The following SLK variants were observed in gnomAD, a reference collection of about 807,000 sequenced individuals.
SLK encodes STE20 like kinase.
In SLK, 67 loss-of-function variants were observed where a neutral mutation model predicts 147.7. The ratio of observed to expected loss-of-function variants is 0.45; its 90% CI spans 0.37 to 0.56. The LOEUF (loss-of-function observed/expected upper bound fraction) is 0.56. Among genes scored for constraint, SLK ranks in the 20% least tolerant of loss-of-function variants. The probability of loss-of-function intolerance (pLI) is 0.00; values close to 1 mark genes in which losing one functional copy is unlikely to be tolerated. For missense variants in SLK, 1,136 were observed against 1,438.8 expected (o/e 0.79, Z 3.41); for synonymous variants, 441 against 475.0 (o/e 0.93, Z 0.93).
intron 12 of SLK, among the ~76,000 whole-genome samples, chr10:104,009,631 T>C (rs1340959293): frequency 3.3e-5 from 5 of 152,176 alleles, no homozygotes; most frequent in Non-Finnish European, 4.4e-5. Context: ...ATATTCTTTA[T>C]CTCAGTGAAA....
chr10:103,993,194 A>G (rs1844123504), intron 4 of SLK, 61 bp downstream of exon 4: 1 of 1,221,548 alleles, frequency 8.2e-7, no homozygotes, highest in Non-Finnish European at 1.2e-6. Flanking sequence ...ATCTTTATGT[A>G]TGTGACTTAA....
chr10:103,992,592 A>C lies in SLK; in HGVS notation c.316-6A>C. 3.2e-6 allele frequency: 5 copies of C among 1,553,696 alleles called. No individual in the cohort carries two copies. Among genetic ancestry groups the C allele is most frequent in the Non-Finnish European group, 4.3e-6 (5 of 1,160,330 alleles). ...CACACGCTTTTTTTTTTTTTTTTGC[A>C]TGCAGATCCTCATTGAATTTTGTGC... is the stretch of plus-strand genomic sequence containing the variant. On this transcript the variant is annotated splice_region_variant and splice_polypyrimidine_tract_variant and intron_variant, in intron 2 of 18. Coordinates refer to ENST00000369755, the MANE Select transcript of SLK (RefSeq NM_014720.4).
chr10:103,980,813 C>A (rs923696813), intron 1 of SLK, among the ~76,000 whole-genome samples: 1 of 152,072 alleles, frequency 6.6e-6, no homozygotes, highest in African/African-American at 2.4e-5. Context: ...CTCTTTGAGA[C>A]CCTGCTTTCA....
chr10:103,988,319 A>G (rs1844045140), intron 1 of SLK, among the ~76,000 whole-genome samples: 1 of 152,134 alleles, frequency 6.6e-6, no homozygotes, highest in Non-Finnish European at 1.5e-5. Flanking sequence ...ACTCAAAGTG[A>G]TCCTTATGTC....
intron 2 of SLK, among the ~76,000 whole-genome samples, chr10:103,991,083 G>A (rs1376043352): frequency 2.0e-5 from 3 of 152,036 alleles, no homozygotes; most frequent in African/African-American, 7.2e-5. Flanking sequence ...TTGGATCCAG[G>A]TGGAAAAATT....
Position 104,002,807 on chromosome 10 carries a change from C to T in SLK, c.1629C>T (p.Ser543=), listed in dbSNP as rs1200904260. 6.2e-6 allele frequency: 10 copies of T among 1,614,014 alleles called. No homozygotes were observed. The highest frequency in any genetic ancestry group is 8.5e-6 in the Non-Finnish European group (10 of 1,180,000). Residue 543 remains serine, a synonymous_variant, in exon 9 of 19, where the codon AGC becomes AGT. Transcript: ENST00000369755. ...ACAAAACTCAAAAAGATGTGATCAG[C>T]AATACAAGTGATGTGATAGGAACAT... The part of the protein sequence containing the change: ...EDDKTQKDVI[S]NTSDVIGTCE...
chr10:104,027,673 CT>C lies in SLK; in HGVS notation c.*1957del, dbSNP rs1844616365. On this transcript the variant is annotated 3_prime_UTR_variant, in exon 19 of 19. Transcript: ENST00000369755. ...TCCTTTGAAATTTTCAGTTTATTGA[CT>C]TTTAAAAAATGAATACCTCAGGCAG... 1 of 152,248 alleles carries C rather than the reference CT, an allele frequency of 6.6e-6. No homozygotes were observed. Among genetic ancestry groups the C allele is most frequent in the Non-Finnish European group, 1.5e-5 (1 of 68,008 alleles). 9.4% of individuals were successfully genotyped at this position (152,248 alleles called of 1,614,324 possible).
chr10:104,001,412 T>TA, intron 7 of SLK, 32 bp from the exon 8 acceptor site: 2 of 1,572,424 alleles, frequency 1.3e-6, no homozygotes, highest in Non-Finnish European at 1.7e-6. Flanking sequence ...AGTATTCCAG[T>TA]TGTTGAGTAT....
intron 16 of SLK, 124 bp from the exon 17 acceptor site, chr10:104,020,364 C>T (rs1844518563): frequency 6.5e-6 from 6 of 922,476 alleles, no homozygotes; most frequent in African/African-American, 3.4e-5. Context: ...GTTTGAGTCT[C>T]AGCATATTAT....
At chr10:103,992,565 G>A (rs976013332) in intron 2 of SLK, 33 bp from the exon 3 acceptor site, 6 of 1,276,682 alleles carry the variant, frequency 4.7e-6, no homozygotes, top group Non-Finnish European at 5.0e-6. Context: ...TGTAGTTTTA[G>A]ACACACGCTT....
rs1844491935 is a variant in SLK at position 104,018,366 on chromosome 10, C to T, written c.3007+77C>T. On this transcript the variant is annotated intron_variant, in intron 14 of 18. Coordinates refer to ENST00000369755, the MANE Select transcript of SLK (RefSeq NM_014720.4). ...AGTAGAAGTGAATGTAAACATATAA[C>T]CCTTAAAATTTCTTCTTGCCCTGAT... is the stretch of plus-strand genomic sequence containing the variant. 2.9e-6 allele frequency: 4 copies of T among 1,370,408 alleles called. No homozygotes were observed. In the South Asian group the frequency reaches 3.9e-5, roughly 13 times the overall value. 84.9% of individuals were successfully genotyped at this position (1,370,408 alleles called of 1,614,324 possible). A position where few individuals can be genotyped will look rare whatever the true frequency, so the allele number is the denominator to read the frequency against.
Position 104,003,091 on chromosome 10 carries a change from A to C in SLK, c.1913A>C (p.Glu638Ala). The change falls in exon 9 of 19, where the codon GAA (glutamate) becomes GCA (alanine). Residue 638 changes from glutamate (E) to alanine (A), a missense_variant. Glu to Ala is a moderately radical substitution (Grantham distance 107, BLOSUM62 -1). Transcript: ENST00000369755. ...MDINEEPGTT[E>A]GEEITESSST... Reference sequence around the variant, plus strand: ...ATCAATGAGGAACCAGGAACAACTGAAGGTGAAGAAATCACTGAGTCAAGT... The same window carrying C: ...ATCAATGAGGAACCAGGAACAACTGCAGGTGAAGAAATCACTGAGTCAAGT... The C allele has an allele frequency of 6.2e-7, 1 of 1,614,146 alleles. No homozygotes were observed. The highest frequency in any genetic ancestry group is 1.7e-5 in the Admixed American group (1 of 60,020).
In SLK at chr10:104,025,800, T is replaced by A; in HGVS notation, c.*80T>A. 1 of 1,268,532 alleles carries A rather than the reference T, an allele frequency of 7.9e-7. No individual in the cohort carries two copies. The highest frequency in any genetic ancestry group is 1.4e-5 in the South Asian group (1 of 71,278). 78.6% of individuals were successfully genotyped at this position (1,268,532 alleles called of 1,614,324 possible). On this transcript the variant is annotated 3_prime_UTR_variant, in exon 19 of 19. Transcript: ENST00000369755. ...TCATCTTCTGCCACAGTCTCTCAGA[T>A]AGCTCATGAAGACAATCACCTGCCT...
At chr10:104,007,900 T>A (rs983268796) in intron 11 of SLK, among the ~76,000 whole-genome samples, 1 of 144,566 alleles carries the variant, frequency 6.9e-6, no homozygotes, top group Non-Finnish European at 1.5e-5. Flanking sequence ...TGCAGTGAAC[T>A]GTGATTGTGC....
chr10:104,002,822 G>C lies in SLK; in HGVS notation c.1644G>C (p.Val548=), dbSNP rs776984086. ...ATGTGATCAGCAATACAAGTGATGT[G>C]ATAGGAACATGTGAGGCAGCAGATG... ...QKDVISNTSD[V]IGTCEAADVA... is the part of the protein sequence containing the mutation. The change falls in exon 9 of 19, where the codon GTG becomes GTC. Residue 548 remains valine (V), a synonymous_variant. Transcript: ENST00000369755. The C allele has an allele frequency of 9.9e-6, 16 of 1,613,972 alleles. No homozygotes were observed. The South Asian group carries it at 1.8e-4, about 18-fold the overall frequency.
chr10:103,968,146 A>G (rs1475624932), intron 1 of SLK, among the ~76,000 whole-genome samples: 1 of 152,222 alleles, frequency 6.6e-6, no homozygotes, highest in Non-Finnish European at 1.5e-5. Context: ...CTACTCTTTC[A>G]AACTTCAAAG....
chr10:104,000,107 C>T (rs1213009226), intron 7 of SLK, among the ~76,000 whole-genome samples, 159 bp downstream of exon 7: 1 of 152,204 alleles, frequency 6.6e-6, no homozygotes, highest in African/African-American at 2.4e-5. Context: ...CTGTTACCAT[C>T]AGGCATTTAG....
intron 1 of SLK, among the ~76,000 whole-genome samples, chr10:103,985,720 A>G (rs1370061195): frequency 2.0e-5 from 3 of 152,214 alleles, no homozygotes; most frequent in Non-Finnish European, 2.9e-5. Context: ...ATTAAAATAT[A>G]TTCTTCACTA....
At chr10:104,016,056 C>T (rs772550398) in intron 13 of SLK, among the ~76,000 whole-genome samples, 15 of 152,024 alleles carry the variant, frequency 9.9e-5, no homozygotes, top group African/African-American at 1.9e-4. Context: ...CGTTGGCTCA[C>T]GCTTGTAATC....
Sources: gnomAD v4.1 joint callset for allele counts (sites outside exome capture counted in the v4.1 genomes callset) on GRCh38, gnomAD v4.1.1 for gene constraint, MANE v1.5 for transcripts, NCBI Gene and HGNC (gene_info 2026-07-23, HGNC 2026-07-21) for gene names.